SMIM36: variants seen among roughly 807,000 people sequenced by gnomAD.
SMIM36 encodes the protein small integral membrane protein 36.
chr17:55,451,338 C>A (rs1014893844), intron 4 of SMIM36, among the ~76,000 whole-genome samples: 36 of 152,328 alleles, frequency 2.4e-4, no homozygotes, highest in African/African-American at 8.2e-4. Flanking sequence ...AGCTGGCTGA[C>A]CTTGGGTTGC....
chr17:55,464,544 A>G (rs1033226010), intron 4 of SMIM36, among the ~76,000 whole-genome samples: 2 of 152,220 alleles, frequency 1.3e-5, no homozygotes, highest in Non-Finnish European at 2.9e-5. Flanking sequence ...AAGGCTCACA[A>G]GATAAATACA....
intron 4 of SMIM36, among the ~76,000 whole-genome samples, chr17:55,452,126 G>A (rs4371211): frequency 0.024 from 3,198 of 135,868 alleles, 97 homozygotes; most frequent in Middle Eastern, 0.074. Flanking sequence ...AAAAAAAAAG[G>A]AAACACTTTT....
chr17:55,467,626 GAC>G (rs1427594912), intron 3 of SMIM36, among the ~76,000 whole-genome samples: 1 of 152,114 alleles, frequency 6.6e-6, no homozygotes, highest in Non-Finnish European at 1.5e-5. Context: ...TCGATCTCCT[GAC>G]CTCGTGATCC....
intron 1 of SMIM36, among the ~76,000 whole-genome samples, chr17:55,501,244 A>ATT (rs1567870996): frequency 6.4e-4 from 17 of 26,404 alleles, no homozygotes; most frequent in South Asian, 1.3e-3. Flanking sequence ...TATATAATAT[A>ATT]GTATTATATT....
At chr17:55,512,085 G>C (rs1910191311), upstream of SMIM36, among the ~76,000 whole-genome samples, 1 of 152,194 alleles carries the variant, frequency 6.6e-6, no homozygotes, top group Admixed American at 6.5e-5. Context: ...GGGACAAATA[G>C]AGGGTAAGAG....
rs1324176911 is a variant in SMIM36, at chr17:55,455,296, C to T, written c.*532-4998G>A. ...TCCTCATCTGGTCTCCGATGCCTTTCGCAACAGGATTGCCACCTATCTCTC... is the reference window on the plus strand; with the variant it reads ...TCCTCATCTGGTCTCCGATGCCTTTTGCAACAGGATTGCCACCTATCTCTC... On this transcript the variant is annotated intron_variant, in intron 4 of 4. Coordinates refer to ENST00000636752, the Ensembl canonical transcript of SMIM36. Among the ~76,000 whole-genome samples the T allele has an allele frequency of 5.9e-5, 9 of 152,220 alleles. No individual in the cohort carries two copies. The South Asian group carries it at 6.2e-4, about 11-fold the overall frequency.
At chr17:55,510,887 G>A (rs751942125) in exon 1 of SMIM36, 23 of 385,498 alleles carry the variant, frequency 6.0e-5, no homozygotes, top group Non-Finnish European at 1.0e-4. Context: ...ACCTTAAACA[G>A]TTACTTTTGT....
Position 55,492,513 on chromosome 17 carries a change from C to G in SMIM36, c.*175-12933G>C, listed in dbSNP as rs1266430180. Among the ~76,000 whole-genome samples the G allele has an allele frequency of 7.2e-5, 11 of 151,786 alleles. No individual in the cohort carries two copies. In the South Asian group the frequency reaches 2.3e-3, roughly 32 times the overall value. On this transcript the variant is annotated intron_variant, in intron 1 of 4. Transcript: ENST00000636752. ...TTTCTCGTGATCTGCCCTCCTCAGC[C>G]TCCCGAAGTGCTGGGATTACAGGCA...
intron 1 of SMIM36, among the ~76,000 whole-genome samples, chr17:55,496,165 C>T (rs370448430): frequency 6.6e-6 from 1 of 152,210 alleles, no homozygotes; most frequent in African/African-American, 2.4e-5. Flanking sequence ...CGCTGAGCCA[C>T]TCTTGGGCAA....
At chr17:55,501,303 T>A (rs184320509) in intron 1 of SMIM36, among the ~76,000 whole-genome samples, 2 of 10,124 alleles carry the variant, frequency 2.0e-4, no homozygotes, top group African/African-American at 8.1e-4. Flanking sequence ...ATAATATATA[T>A]TATGTTATAT....
At chr17:55,503,657 CTG>C (rs1379082498) in intron 1 of SMIM36, among the ~76,000 whole-genome samples, 1 of 128,642 alleles carries the variant, frequency 7.8e-6, no homozygotes, top group Non-Finnish European at 1.6e-5. Flanking sequence ...TAGGAAGAAA[CTG>C]CATCAACTAA....
At chr17:55,486,366 TAG>T (rs1909608626) in intron 1 of SMIM36, among the ~76,000 whole-genome samples, 1 of 152,172 alleles carries the variant, frequency 6.6e-6, no homozygotes, top group African/African-American at 2.4e-5. Context: ...TGGGGAATCT[TAG>T]ACAAAATTTC....
chr17:55,449,985 A>T (rs1269331883), exon 5 of SMIM36: 1 of 152,234 alleles, frequency 6.6e-6, no homozygotes, highest in Non-Finnish European at 1.5e-5. Context: ...CTATTATTTT[A>T]TGTTGTAAAA....
At chr17:55,475,398 G>A (rs973733444) in intron 3 of SMIM36, among the ~76,000 whole-genome samples, 5 of 151,938 alleles carry the variant, frequency 3.3e-5, no homozygotes, top group African/African-American at 4.8e-5. Flanking sequence ...TCTCATTCCC[G>A]TTCTTATGCC....
chr17:55,498,770 G>A (rs1305932550), intron 1 of SMIM36, among the ~76,000 whole-genome samples: 6 of 151,626 alleles, frequency 4.0e-5, no homozygotes, highest in Non-Finnish European at 7.4e-5. Context: ...AGGCCGAGGC[G>A]GGTGGATCAC....
intron 4 of SMIM36, among the ~76,000 whole-genome samples, chr17:55,461,004 A>G (rs1049514642): frequency 5.9e-5 from 9 of 152,332 alleles, no homozygotes; most frequent in Admixed American, 5.9e-4. Flanking sequence ...GTAGAGAATA[A>G]CTTAAGAAAC....
the SMIM36 span, among the ~76,000 whole-genome samples, chr17:55,526,500 T>G: frequency 1.3e-5 from 2 of 151,970 alleles, no homozygotes; most frequent in African/African-American, 4.8e-5. Context: ...ATGAGGGAAA[T>G]GAAGCCTAGA....
In SMIM36 at chr17:55,478,310, G is replaced by C. The variant is rs562484740; in HGVS notation, c.*347+452C>G. On this transcript the variant is annotated intron_variant, in intron 3 of 4. Coordinates refer to ENST00000636752, the Ensembl canonical transcript of SMIM36. ...GTTCAGTGGTGTGATCTTGGCTCAC[G>C]GTAGCCTTGACTTCCCAGGCTCAAG... 2.0e-5 allele frequency among the ~76,000 whole-genome samples: 3 copies of C among 151,378 alleles called. No individual in the cohort carries two copies. The South Asian group carries it at 6.3e-4, about 32-fold the overall frequency.
In SMIM36 at chr17:55,501,333, A is replaced by ATTATGTT. The variant is rs1491278758; in HGVS notation, c.*174+9545_*174+9546insAACATAA. Among the ~76,000 whole-genome samples the ATTATGTT allele has an allele frequency of 3.5e-3, 187 of 54,122 alleles. 13 individuals carry two copies. The highest frequency in any genetic ancestry group is 8.9e-3 in the African/African-American group (134 of 15,122). 35.5% of individuals were successfully genotyped at this position (54,122 alleles called of 152,430 possible). On this transcript the variant is annotated intron_variant, in intron 1 of 4. Transcript: ENST00000636752. Reference sequence around the variant, plus strand: ...TTATATATTATATTTTATAATATATAATATATTATATATTATATTTTATAA... The same window carrying ATTATGTT: ...TTATATATTATATTTTATAATATATATTATGTTATATATTATATATTATATTTTATAA...
Sources: allele counts gnomAD v4.1 joint callset (sites outside exome capture counted in the v4.1 genomes callset), GRCh38; gene constraint gnomAD v4.1.1; transcripts MANE v1.5; gene names NCBI Gene and HGNC (gene_info 2026-07-23, HGNC 2026-07-21).